CSMD1: variants seen among roughly 807,000 people sequenced by gnomAD.
CSMD1 encodes CUB and Sushi multiple domains 1.
A neutral mutation model predicts 417.5 loss-of-function variants in CSMD1; 213 were observed. That is an observed-to-expected ratio of 0.51 (90% confidence interval 0.46 to 0.57). The LOEUF (loss-of-function observed/expected upper bound fraction) is 0.57, where lower values mean the gene tolerates loss of function less well. CSMD1 is among the 20% of genes least tolerant of loss of function. The probability of loss-of-function intolerance (pLI) is 0.00; values close to 1 mark genes in which losing one functional copy is unlikely to be tolerated. For missense variants in CSMD1, 6,923 were observed against 4,529.7 expected, an observed-to-expected ratio of 1.53 and a Z score of -15.17; for synonymous variants, 2,862 against 1,736.8, an observed-to-expected ratio of 1.65 and a Z score of -16.11.
At chr8:4,365,054 AT>A (rs1801986274) in intron 3 of CSMD1, among the ~76,000 whole-genome samples, 1 of 152,122 alleles carries the variant, frequency 6.6e-6, no homozygotes, top group South Asian at 2.1e-4. Flanking sequence ...TTGTGAGGAC[AT>A]TTTCCATATT....
chr8:3,947,133 C>T (rs558215074), intron 5 of CSMD1, among the ~76,000 whole-genome samples: 1 of 152,272 alleles, frequency 6.6e-6, no homozygotes, highest in African/African-American at 2.4e-5. Context: ...TTCAGTCTTT[C>T]ATCATTAAGT....
chr8:3,024,089 C>T (rs1015197312), intron 51 of CSMD1, among the ~76,000 whole-genome samples: 2 of 151,862 alleles, frequency 1.3e-5, no homozygotes, highest in African/African-American at 4.8e-5. Context: ...TTATCACACA[C>T]TTATTTAATA....
chr8:3,100,266 C>T (rs553415741), intron 46 of CSMD1, among the ~76,000 whole-genome samples: 1 of 152,294 alleles, frequency 6.6e-6, no homozygotes, highest in Non-Finnish European at 1.5e-5. Context: ...TTTGCCCAGG[C>T]TGGTCTCCAA....
chr8:4,420,128 T>G (rs1797165750), intron 2 of CSMD1, 63 bp from the exon 3 acceptor site: 1 of 1,177,088 alleles, frequency 8.5e-7, no homozygotes, highest in Admixed American at 2.0e-5. Context: ...AAAAGCTTAT[T>G]TGATGAAGTC....
At chr8:3,085,854 T>A (rs540688613) in intron 49 of CSMD1, among the ~76,000 whole-genome samples, 3 of 152,324 alleles carry the variant, frequency 2.0e-5, no homozygotes, top group South Asian at 4.1e-4. Flanking sequence ...CCGAATCCCT[T>A]TGGGACATGA....
intron 2 of CSMD1, among the ~76,000 whole-genome samples, chr8:4,458,285 A>G (rs749429436): frequency 1.3e-5 from 2 of 152,224 alleles, no homozygotes; most frequent in East Asian, 3.9e-4. Flanking sequence ...TCAATGAGAA[A>G]TATCTTTCTC....
At position 4,173,665 on chromosome 8, in the gene CSMD1, G is replaced by C. The variant is rs13271296; in HGVS notation, c.416-141566C>G. ...AATGCCACTTTTCAGACCCAAAACT[G>C]TGATAACTGTAGTAGGAAAATTTCT... On this transcript the variant is annotated intron_variant, in intron 3 of 69. Transcript: ENST00000635120. 5.7e-4 allele frequency among the ~76,000 whole-genome samples: 87 copies of C among 152,090 alleles called. 1 individual carries two copies. The highest frequency in any genetic ancestry group is 5.0e-4 in the Non-Finnish European group (34 of 68,028).
At chr8:4,964,706 A>G (rs1809738675) in intron 1 of CSMD1, among the ~76,000 whole-genome samples, 1 of 152,116 alleles carries the variant, frequency 6.6e-6, no homozygotes, top group African/African-American at 2.4e-5. Context: ...AAACTCAGTT[A>G]TGGTCACTAA....
intron 5 of CSMD1, among the ~76,000 whole-genome samples, chr8:3,839,320 TATTA>T (rs1380962640): frequency 0.015 from 1,809 of 123,294 alleles, 47 homozygotes; most frequent in African/African-American, 0.052. Context: ...TATTAATATA[TATTA>T]ATTATATATA....
Position 4,854,399 on chromosome 8 carries a change from T to C in CSMD1, c.85+139933A>G, listed in dbSNP as rs1022252033. 2.6e-5 allele frequency among the ~76,000 whole-genome samples: 4 copies of C among 152,170 alleles called. No individual in the cohort carries two copies. The South Asian group carries it at 8.3e-4, about 32-fold the overall frequency. On this transcript the variant is annotated intron_variant, in intron 1 of 69. Coordinates refer to ENST00000635120, the MANE Select transcript of CSMD1 (RefSeq NM_033225.6). Reference sequence around the variant, plus strand: ...TTGGTTGTTTAGAAGCGTGTGCCACTCCGGATCGAGCCAAGATGGCCGAAT... The same window carrying C: ...TTGGTTGTTTAGAAGCGTGTGCCACCCCGGATCGAGCCAAGATGGCCGAAT...
chr8:3,276,667 G>T (rs185631615), intron 26 of CSMD1, among the ~76,000 whole-genome samples: 1 of 152,206 alleles, frequency 6.6e-6, no homozygotes. Flanking sequence ...TATTAAAATA[G>T]CAGTTACATA....
chr8:3,318,502 T>C (rs1210755338), intron 23 of CSMD1, among the ~76,000 whole-genome samples: 6 of 152,044 alleles, frequency 3.9e-5, no homozygotes, highest in Non-Finnish European at 7.4e-5. Flanking sequence ...AAAGATAACA[T>C]ATAAAAGTTA....
chr8:4,642,607 T>C (rs1468596470), intron 1 of CSMD1, among the ~76,000 whole-genome samples: 1 of 152,190 alleles, frequency 6.6e-6, no homozygotes, highest in Non-Finnish European at 1.5e-5. Flanking sequence ...AGTCCTGGGC[T>C]GGGTGGGCAT....
intron 49 of CSMD1, among the ~76,000 whole-genome samples, chr8:3,080,198 A>G (rs932576086): frequency 1.3e-5 from 2 of 152,216 alleles, no homozygotes; most frequent in Non-Finnish European, 2.9e-5. Flanking sequence ...GGGAACTTGA[A>G]AGCAGTGCAC....
chr8:3,875,973 C>T (rs531522714), intron 5 of CSMD1, among the ~76,000 whole-genome samples: 18 of 150,770 alleles, frequency 1.2e-4, no homozygotes, highest in South Asian at 2.1e-4. Flanking sequence ...TGTAAAATTG[C>T]GAAGGGCCAC....
At chr8:4,631,389 C>T (rs1802503383) in intron 2 of CSMD1, among the ~76,000 whole-genome samples, 1 of 148,496 alleles carries the variant, frequency 6.7e-6, no homozygotes. Context: ...TAAAATGATA[C>T]CTTGGTTTGT....
intron 51 of CSMD1, among the ~76,000 whole-genome samples, chr8:3,023,121 T>C (rs1039982872): frequency 3.3e-5 from 5 of 152,356 alleles, no homozygotes; most frequent in African/African-American, 9.6e-5. Context: ...TCCTCGGATA[T>C]AGACGAAATA....
rs1269784343 is a variant in CSMD1 at position 3,165,732 on chromosome 8, G to A, written c.5726-3455C>T. On this transcript the variant is annotated intron_variant, in intron 37 of 69. Coordinates refer to ENST00000635120, the MANE Select transcript of CSMD1 (RefSeq NM_033225.6). The stretch of plus-strand genomic sequence containing the variant: ...ACGGTGGTTTTTTGTTGGTAAAGGT[G>A]TGTCAGATGCAGGGGCAGAAGACAG... Among the ~76,000 whole-genome samples, 9 of 152,222 alleles carry A rather than the reference G, an allele frequency of 5.9e-5. No individual in the cohort carries two copies. The East Asian group carries it at 1.7e-3, about 29-fold the overall frequency.
chr8:3,408,737 T>A (rs942662279), intron 13 of CSMD1, among the ~76,000 whole-genome samples: 3 of 152,094 alleles, frequency 2.0e-5, no homozygotes, highest in African/African-American at 7.2e-5. Flanking sequence ...ATGTTCTAGT[T>A]GGATAATATA....
Sources: allele counts gnomAD v4.1 joint callset (sites outside exome capture counted in the v4.1 genomes callset), GRCh38; gene constraint gnomAD v4.1.1; transcripts MANE v1.5; gene names NCBI Gene and HGNC (gene_info 2026-07-23, HGNC 2026-07-21).